CAST: variants seen among roughly 807,000 people sequenced by gnomAD.
CAST encodes MIR583 host.
CAST carries 76 observed loss-of-function variants against 119.6 expected under a neutral mutation model. That is an observed-to-expected ratio of 0.64 (90% confidence interval 0.53 to 0.77). The LOEUF (loss-of-function observed/expected upper bound fraction) is 0.77. Among genes scored for constraint, CAST ranks in the 30% least tolerant of loss-of-function variants. The pLI is 0.00. For synonymous variants in CAST, 319 were observed against 331.6 expected, an observed-to-expected ratio of 0.96 and a Z score of 0.41; for missense variants, 953 against 946.5, an observed-to-expected ratio of 1.01 and a Z score of -0.09.
chr5:96,573,791 C>T (rs1266541695), intron 1 of CAST, among the ~76,000 whole-genome samples: 1 of 152,226 alleles, frequency 6.6e-6, no homozygotes, highest in Non-Finnish European at 1.5e-5. Flanking sequence ...ATCCAACTTT[C>T]TCAAACAACC....
chr5:96,226,844 C>CA, the CAST span, among the ~76,000 whole-genome samples: 17 of 152,052 alleles, frequency 1.1e-4, no homozygotes, highest in Non-Finnish European at 1.8e-4. Context: ...TTTTAGAAAC[C>CA]AAAATAACAG....
intron 1 of CAST, among the ~76,000 whole-genome samples, chr5:96,555,033 C>G (rs933308283): frequency 7.2e-5 from 11 of 152,170 alleles, no homozygotes; most frequent in Non-Finnish European, 1.3e-4. Context: ...TACCATTTGA[C>G]CCAGCAATCC....
chr5:96,155,162 A>G, the CAST span, among the ~76,000 whole-genome samples: 1 of 152,180 alleles, frequency 6.6e-6, no homozygotes, highest in Non-Finnish European at 1.5e-5. Flanking sequence ...CCAGCATTAT[A>G]TCTAAATTTT....
the CAST span, among the ~76,000 whole-genome samples, chr5:96,047,069 G>A: frequency 3.0e-3 from 462 of 152,246 alleles, 3 homozygotes; most frequent in African/African-American, 0.011. Context: ...AACCACATTA[G>A]CATAAGACTT....
At chr5:96,696,175 T>C in intron 3 of CAST, 1 of 213,364 alleles carries the variant, frequency 4.7e-6, no homozygotes, top group Non-Finnish European at 9.4e-6. Flanking sequence ...TATCTGCAGA[T>C]AATATTAAAC....
At chr5:96,498,402 G>A in the CAST span, among the ~76,000 whole-genome samples, 1 of 152,056 alleles carries the variant, frequency 6.6e-6, no homozygotes, top group Admixed American at 6.6e-5. Context: ...TGTGAAGAAA[G>A]TCATTGGTAG....
chr5:96,406,655 G>A, the CAST span, among the ~76,000 whole-genome samples: 1 of 152,138 alleles, frequency 6.6e-6, no homozygotes, highest in Non-Finnish European at 1.5e-5. Flanking sequence ...GGAACCTCAG[G>A]GCTTTTCCAG....
At chr5:96,656,510 G>A (rs1748160716) in intron 1 of CAST, among the ~76,000 whole-genome samples, 3 of 152,290 alleles carry the variant, frequency 2.0e-5, no homozygotes, top group Middle Eastern at 3.4e-3. Flanking sequence ...CTTCCTGTGC[G>A]GGCTGACTTT....
At chr5:96,501,973 A>T in the CAST span, among the ~76,000 whole-genome samples, 1 of 152,254 alleles carries the variant, frequency 6.6e-6, no homozygotes, top group Admixed American at 6.5e-5. Flanking sequence ...TATACCTACA[A>T]CAACAAAGTC....
chr5:96,432,067 GA>G, the CAST span: 1 of 1,522,994 alleles, frequency 6.6e-7, no homozygotes, highest in South Asian at 1.2e-5. Context: ...AAATTCCCGG[GA>G]AAACGATTAC....
chr5:96,707,562 T>C (rs1220168818), intron 3 of CAST, among the ~76,000 whole-genome samples: 2 of 152,128 alleles, frequency 1.3e-5, no homozygotes, highest in African/African-American at 2.4e-5. Context: ...AAATTTTGTA[T>C]TTTTAGTAGA....
chr5:96,305,352 G>A, the CAST span, among the ~76,000 whole-genome samples: 2 of 152,238 alleles, frequency 1.3e-5, no homozygotes. Flanking sequence ...GGAGATTTGG[G>A]GCTGAGACAA....
the CAST span, among the ~76,000 whole-genome samples, chr5:95,989,373 C>T: frequency 6.6e-6 from 1 of 152,068 alleles, no homozygotes; most frequent in Non-Finnish European, 1.5e-5. Flanking sequence ...TGCACTGTGA[C>T]AGTGTGACAT....
intron 1 of CAST, among the ~76,000 whole-genome samples, chr5:96,581,893 A>AAAATAAAT (rs10631862): frequency 0.077 from 11,504 of 149,204 alleles, 559 homozygotes; most frequent in East Asian, 0.2. Flanking sequence ...TCTGTCTCAA[A>AAAATAAAT]AAATAAATAA....
chr5:96,676,668 A>T (rs1306225198), intron 2 of CAST, among the ~76,000 whole-genome samples: 1 of 152,150 alleles, frequency 6.6e-6, no homozygotes, highest in African/African-American at 2.4e-5. Context: ...TAAACATATT[A>T]AGATTTCATC....
the CAST span, among the ~76,000 whole-genome samples, chr5:96,483,587 T>C: frequency 6.6e-6 from 1 of 152,206 alleles, no homozygotes; most frequent in African/African-American, 2.4e-5. Flanking sequence ...GGAAAGTTTT[T>C]CACTTTTCAT....
chr5:96,389,394 C>T, the CAST span, among the ~76,000 whole-genome samples: 129 of 152,144 alleles, frequency 8.5e-4, no homozygotes, highest in African/African-American at 2.5e-3. Flanking sequence ...ATCAATTAAT[C>T]GATTAATCAA....
the CAST span, among the ~76,000 whole-genome samples, chr5:96,114,410 G>T: frequency 6.6e-6 from 1 of 152,182 alleles, no homozygotes; most frequent in Non-Finnish European, 1.5e-5. Flanking sequence ...AGCTCTTGGA[G>T]CCCAGAGAGG....
At chr5:96,041,288 C>T in the CAST span, among the ~76,000 whole-genome samples, 1 of 151,918 alleles carries the variant, frequency 6.6e-6, no homozygotes, top group Non-Finnish European at 1.5e-5. Context: ...TTTTTATGGT[C>T]CTCCTCCCCA....
Sources: gnomAD v4.1 joint callset for allele counts (sites outside exome capture counted in the v4.1 genomes callset) on GRCh38, gnomAD v4.1.1 for gene constraint, MANE v1.5 for transcripts, NCBI Gene and HGNC (gene_info 2026-07-23, HGNC 2026-07-21) for gene names.